IL17RD: variants seen among roughly 807,000 people sequenced by gnomAD.
The protein encoded by IL17RD is interleukin-17 receptor D.
Under a neutral mutation model 80.5 loss-of-function variants are expected in IL17RD, and 52 were observed. That is an observed-to-expected ratio of 0.65 (90% confidence interval 0.52 to 0.81). The LOEUF is 0.81. Among genes scored for constraint, IL17RD ranks in the 40% least tolerant of loss-of-function variants. The pLI is 0.00. For synonymous variants in IL17RD, 416 were observed against 391.8 expected, an observed-to-expected ratio of 1.06 and a Z score of -0.73; for missense variants, 1,024 against 955.1, an observed-to-expected ratio of 1.07 and a Z score of -0.95.
At chr3:57,124,948 C>T (rs1346206299) in intron 1 of IL17RD, among the ~76,000 whole-genome samples, 1 of 152,170 alleles carries the variant, frequency 6.6e-6, no homozygotes, top group Non-Finnish European at 1.5e-5. Flanking sequence ...GCTTGAGATT[C>T]TACTGTCCTA....
At chr3:57,140,893 C>T (rs970670986) in intron 1 of IL17RD, among the ~76,000 whole-genome samples, 1 of 146,628 alleles carries the variant, frequency 6.8e-6, no homozygotes, top group African/African-American at 2.5e-5. Context: ...GACCTTCACA[C>T]TTTTTTTTTT....
chr3:57,119,377 A>C (rs1387610742), intron 2 of IL17RD, among the ~76,000 whole-genome samples: 5 of 151,530 alleles, frequency 3.3e-5, no homozygotes, highest in African/African-American at 1.2e-4. Flanking sequence ...AAAAACAAAA[A>C]ACAAAACTAG....
Position 57,098,305 on chromosome 3 carries a change from C to G in IL17RD, c.1398G>C (p.Gln466His). ...AIAEKLRQAK[Q>H]SSSAALSKFI... The stretch of plus-strand genomic sequence containing the variant: ...ACTTGCTGAGCGCCGCGGACGAACT[C>G]TGCTTGGCCTGGCGGAGCTTTTCGG... The change falls in exon 12 of 13, where the codon CAG (glutamine) becomes CAC (histidine). Residue 466 changes from glutamine (Q) to histidine (H), a missense_variant. By Grantham distance (24) the Gln-to-His change is conservative. Transcript: ENST00000296318. 1 of 1,614,026 alleles carries G rather than the reference C, an allele frequency of 6.2e-7. No homozygotes were observed. Among genetic ancestry groups the G allele is most frequent in the Non-Finnish European group, 8.5e-7 (1 of 1,179,898 alleles).
intron 9 of IL17RD, 101 bp from the exon 10 acceptor site, chr3:57,102,690 T>C: frequency 1.9e-6 from 1 of 531,250 alleles, no homozygotes; most frequent in Non-Finnish European, 3.4e-6. Flanking sequence ...TAACAGGTTC[T>C]AGGACCATGC....
At chr3:57,162,776 C>A (rs2060314327) in intron 1 of IL17RD, among the ~76,000 whole-genome samples, 1 of 152,110 alleles carries the variant, frequency 6.6e-6, no homozygotes, top group African/African-American at 2.4e-5. Context: ...CTGACGCCAC[C>A]AAGATGAGGT....
chr3:57,112,039 A>C (rs998787523), intron 3 of IL17RD, among the ~76,000 whole-genome samples: 1 of 152,166 alleles, frequency 6.6e-6, no homozygotes, highest in African/African-American at 2.4e-5. Context: ...TTATTTTTAA[A>C]AGATTAGCCT....
Position 57,160,157 on chromosome 3 carries a change from G to A in IL17RD, c.126+5004C>T, listed in dbSNP as rs559735755. On this transcript the variant is annotated intron_variant, in intron 1 of 12. Transcript: ENST00000296318. The stretch of plus-strand genomic sequence containing the variant: ...AATGCACTCCAGCCTGGGCTCCAGA[G>A]CGAAACTCCGTCTCAAAAAAAGAGG... Among the ~76,000 whole-genome samples the A allele has an allele frequency of 3.9e-5, 6 of 152,188 alleles. No individual in the cohort carries two copies. In the South Asian group the frequency reaches 1.0e-3, roughly 26 times the overall value.
At chr3:57,099,419 A>G (rs1336621564) in intron 11 of IL17RD, among the ~76,000 whole-genome samples, 1 of 152,228 alleles carries the variant, frequency 6.6e-6, no homozygotes, top group Non-Finnish European at 1.5e-5. Context: ...TAATTCTACC[A>G]GAAACATCTC....
chr3:57,153,595 G>T (rs1263401724), intron 1 of IL17RD, among the ~76,000 whole-genome samples: 2 of 152,216 alleles, frequency 1.3e-5, no homozygotes, highest in African/African-American at 4.8e-5. Flanking sequence ...GACATTAAAA[G>T]GACAAGTGAG....
chr3:57,123,475 C>T (rs1707382967), intron 1 of IL17RD, among the ~76,000 whole-genome samples: 1 of 152,228 alleles, frequency 6.6e-6, no homozygotes, highest in South Asian at 2.1e-4. Flanking sequence ...CTCCTCTTCT[C>T]TTCCTATCAC....
intron 9 of IL17RD, among the ~76,000 whole-genome samples, chr3:57,102,847 C>CTG (rs1371689514): frequency 2.6e-5 from 4 of 152,158 alleles, no homozygotes; most frequent in Admixed American, 2.6e-4. Flanking sequence ...GAAATCTCCC[C>CTG]TCCCACCACT....
chr3:57,116,802 G>C (rs1463397629), intron 2 of IL17RD, among the ~76,000 whole-genome samples: 3 of 150,966 alleles, frequency 2.0e-5, no homozygotes, highest in Non-Finnish European at 4.4e-5. Context: ...TTCTATCACA[G>C]CACAGAGCTT....
chr3:57,150,796 A>G (rs145378058), intron 1 of IL17RD, among the ~76,000 whole-genome samples: 1 of 152,316 alleles, frequency 6.6e-6, no homozygotes, highest in Non-Finnish European at 1.5e-5. Flanking sequence ...ACCAAATTCC[A>G]TTTTTAAAGA....
At chr3:57,126,298 A>G (rs1005595895) in intron 1 of IL17RD, among the ~76,000 whole-genome samples, 1 of 152,196 alleles carries the variant, frequency 6.6e-6, no homozygotes, top group African/African-American at 2.4e-5. Context: ...GAGTGCTGCT[A>G]TGAAATTCCT....
intron 2 of IL17RD, among the ~76,000 whole-genome samples, chr3:57,118,744 T>C (rs1707270373): frequency 6.6e-6 from 1 of 152,164 alleles, no homozygotes; most frequent in Non-Finnish European, 1.5e-5. Context: ...TCTATATTAA[T>C]AGATATCAAT....
chr3:57,096,872 A>C (rs1362139915), intron 12 of IL17RD, among the ~76,000 whole-genome samples: 2 of 152,048 alleles, frequency 1.3e-5, no homozygotes, highest in Non-Finnish European at 2.9e-5. Flanking sequence ...TTAGCTGGGC[A>C]TGGTGGCGCA....
chr3:57,165,224 C>T lies in IL17RD; in HGVS notation c.63G>A (p.Ser21=). ...ACCCGCCAGCGGCCACAGCCAGCTG[C>T]GAGCCGTTGAGGCAGGCGTTGACCG... ...FFTVNACLNG[S]QLAVAAGGSG... Residue 21 remains serine (S), a synonymous_variant, in exon 1 of 13, where the codon TCG becomes TCA. Coordinates refer to ENST00000296318, the MANE Select transcript of IL17RD (RefSeq NM_017563.5). The T allele has an allele frequency of 6.5e-7, 1 of 1,530,766 alleles. No individual in the cohort carries two copies. Among genetic ancestry groups the T allele is most frequent in the East Asian group, 2.6e-5 (1 of 38,614 alleles). The allele number at this position is 1,530,766 out of a possible 1,614,324, so 94.8% of individuals were successfully genotyped here.
At position 57,098,364 on chromosome 3, in the gene IL17RD, C is replaced by T. The variant is rs1450775398; in HGVS notation, c.1339G>A (p.Gly447Arg). 5 of 1,613,928 alleles carry T rather than the reference C, an allele frequency of 3.1e-6. No homozygotes were observed. The highest frequency in any genetic ancestry group is 4.2e-6 in the Non-Finnish European group (5 of 1,179,912). Reference protein sequence around the residue: ...HKGGGRGSGKGELFLVAVSAI... With the variant: ...HKGGGRGSGKRELFLVAVSAI... Reference sequence around the variant, plus strand: ...GACACCGCCACCAGGAAGAGCTCTCCTTTCCCCGAGCCTCGGCCACCTCCT... The same window carrying T: ...GACACCGCCACCAGGAAGAGCTCTCTTTTCCCCGAGCCTCGGCCACCTCCT... Residue 447 changes from glycine to arginine, a missense_variant, in exon 12 of 13, where the codon GGA becomes AGA. Physicochemically the swap from Gly to Arg is moderately radical, Grantham distance 125 (BLOSUM62 -2). Transcript: ENST00000296318.
chr3:57,165,451 T>A (rs2060342705), upstream of IL17RD: 2 of 413,522 alleles, frequency 4.8e-6, no homozygotes, highest in Non-Finnish European at 6.9e-6. Flanking sequence ...CCTCGTGTGC[T>A]GGCCCCGCCC....
Sources: allele counts gnomAD v4.1 joint callset (sites outside exome capture counted in the v4.1 genomes callset), GRCh38; gene constraint gnomAD v4.1.1; transcripts MANE v1.5; gene names NCBI Gene and HGNC (gene_info 2026-07-23, HGNC 2026-07-21).